Variants in ASXL3 observed in about 807,000 individuals in gnomAD.
ASXL3 encodes the protein putative Polycomb group protein ASXL3.
A neutral mutation model predicts 170.6 loss-of-function variants in ASXL3; 34 were observed. That is an observed-to-expected ratio of 0.20 (90% CI 0.15 to 0.27). The LOEUF is 0.27. Among genes scored for constraint, ASXL3 ranks in the 10% least tolerant of loss-of-function variants. The pLI is 1.00. For synonymous variants in ASXL3, 1,002 were observed against 989.1 expected (o/e 1.01, Z -0.24); for missense variants, 2,592 against 2,695.3 (o/e 0.96, Z 0.85).
chr18:33,746,735 A>G lies in ASXL3; in HGVS notation c.*140A>G. The G allele has an allele frequency of 7.5e-7, 1 of 1,327,600 alleles. No homozygotes were observed. The allele number at this position is 1,327,600 out of a possible 1,614,324, so 82.2% of individuals were successfully genotyped here. ...GCAGGTACCTTTCCTCTATGGCATT[A>G]TTTTCTTGCATTTCTCATAAAGGGG... On this transcript the variant is annotated 3_prime_UTR_variant, in exon 12 of 12. Transcript: ENST00000269197.
intron 2 of ASXL3, among the ~76,000 whole-genome samples, chr18:33,617,550 A>T (rs1380888539): frequency 6.6e-6 from 1 of 152,168 alleles, no homozygotes. Context: ...CTTGGATTTT[A>T]TTTGAAACCT....
At chr18:33,588,959 G>A (rs999843825) in intron 1 of ASXL3, among the ~76,000 whole-genome samples, 3 of 151,954 alleles carry the variant, frequency 2.0e-5, no homozygotes, top group Non-Finnish European at 4.4e-5. Context: ...GTAAATCACT[G>A]ACTTCTGCCA....
intron 8 of ASXL3, among the ~76,000 whole-genome samples, chr18:33,694,882 A>G (rs145827339): frequency 3.5e-4 from 53 of 152,298 alleles, no homozygotes; most frequent in Non-Finnish European, 6.9e-4. Context: ...TGGACTAGGA[A>G]AATGGATGTG....
chr18:33,715,939 C>A (rs905936180), intron 8 of ASXL3, among the ~76,000 whole-genome samples: 2 of 152,138 alleles, frequency 1.3e-5, no homozygotes, highest in African/African-American at 4.8e-5. Flanking sequence ...AAAAGACAAA[C>A]ACAGTAAGTC....
At chr18:33,672,866 A>G (rs765857933) in intron 7 of ASXL3, among the ~76,000 whole-genome samples, 74 of 152,176 alleles carry the variant, frequency 4.9e-4, no homozygotes, top group Non-Finnish European at 8.7e-4. Context: ...TAATAAAAAG[A>G]CTTTAAATAG....
rs541648135 is a variant in ASXL3, at chr18:33,695,004, C to T, written c.879+11436C>T. ...CACGCAGCCTTTATAAATGCAAATG[C>T]GAAAGGGCTTTCCGTCTTTTCCCTC... is the stretch of plus-strand genomic sequence containing the variant. On this transcript the variant is annotated intron_variant, in intron 8 of 11. Coordinates refer to ENST00000269197, the MANE Select transcript of ASXL3 (RefSeq NM_030632.3). 7.2e-5 allele frequency among the ~76,000 whole-genome samples: 11 copies of T among 152,186 alleles called. No individual in the cohort carries two copies. The East Asian group carries it at 1.6e-3, about 21-fold the overall frequency.
At position 33,746,821 on chromosome 18, in the gene ASXL3, T is replaced by A; in HGVS notation, c.*226T>A. On this transcript the variant is annotated 3_prime_UTR_variant, in exon 12 of 12. Transcript: ENST00000269197. ...CTTTTATGTGTTCAGTTGCCATTCC[T>A]AGCTTTGGAAAGTTTCTATCTGTCC... 1.5e-6 allele frequency: 1 copy of A among 647,812 alleles called. No individual in the cohort carries two copies. The highest frequency in any genetic ancestry group is 2.3e-6 in the Non-Finnish European group (1 of 427,722). 40.1% of individuals were successfully genotyped at this position (647,812 alleles called of 1,614,324 possible). A position where few individuals can be genotyped will look rare whatever the true frequency, so the allele number is the denominator to read the frequency against.
At chr18:33,712,990 C>T (rs17746706) in intron 8 of ASXL3, among the ~76,000 whole-genome samples, 12,473 of 152,022 alleles carry the variant, frequency 0.082, 513 homozygotes, top group South Asian at 0.11. Flanking sequence ...GGCTCATCCA[C>T]GTTCTAGCTA....
intron 1 of ASXL3, among the ~76,000 whole-genome samples, chr18:33,594,246 T>A (rs1207858748): frequency 6.6e-6 from 1 of 152,228 alleles, no homozygotes; most frequent in Non-Finnish European, 1.5e-5. Context: ...AGACTTGTTG[T>A]GAGTCCTAAT....
chr18:33,637,832 C>A (rs1004766234), intron 2 of ASXL3, among the ~76,000 whole-genome samples: 1 of 152,038 alleles, frequency 6.6e-6, no homozygotes, highest in Non-Finnish European at 1.5e-5. Context: ...CATTTAAATT[C>A]CAAATGGTTT....
chr18:33,602,122 A>T (rs2065189815), intron 1 of ASXL3, among the ~76,000 whole-genome samples: 1 of 151,760 alleles, frequency 6.6e-6, no homozygotes, highest in Non-Finnish European at 1.5e-5. Flanking sequence ...TAAGTGTGAA[A>T]TTGCTGAACT....
chr18:33,747,502 C>T lies in ASXL3; in HGVS notation c.*907C>T, dbSNP rs2067816284. ...TAAATGCATTGATAATGTAAATATC[C>T]TATTCACGCTAATGAATTACTAGAT... On this transcript the variant is annotated 3_prime_UTR_variant, in exon 12 of 12. Transcript: ENST00000269197. 1 of 151,734 alleles carries T rather than the reference C, an allele frequency of 6.6e-6. No homozygotes were observed. Among genetic ancestry groups the T allele is most frequent in the African/African-American group, 2.4e-5 (1 of 41,298 alleles). The allele number at this position is 151,734 out of a possible 1,614,324, so 9.4% of individuals were successfully genotyped here.
At chr18:33,680,626 T>C (rs1298242742) in intron 7 of ASXL3, among the ~76,000 whole-genome samples, 1 of 152,054 alleles carries the variant, frequency 6.6e-6, no homozygotes, top group Non-Finnish European at 1.5e-5. Flanking sequence ...TTTGAGGCTG[T>C]GCTATTTAAA....
intron 2 of ASXL3, among the ~76,000 whole-genome samples, chr18:33,610,316 T>C (rs922960723): frequency 6.6e-6 from 1 of 152,052 alleles, no homozygotes; most frequent in African/African-American, 2.4e-5. Context: ...ATTGGTAATA[T>C]GCCTGATTAA....
chr18:33,721,390 A>G (rs1459244869), intron 8 of ASXL3, among the ~76,000 whole-genome samples: 1 of 151,908 alleles, frequency 6.6e-6, no homozygotes, highest in Non-Finnish European at 1.5e-5. Context: ...ATGTACACAC[A>G]TATATATATG....
intron 2 of ASXL3, chr18:33,609,092 C>G: frequency 1.0e-6 from 1 of 981,196 alleles, no homozygotes; most frequent in Non-Finnish European, 1.2e-6. Context: ...CTAACAGTAC[C>G]TAACAATTCT....
At chr18:33,742,839 G>C in intron 11 of ASXL3, 49 bp from the exon 12 acceptor site, 1 of 1,523,660 alleles carries the variant, frequency 6.6e-7, no homozygotes, top group Non-Finnish European at 8.8e-7. Context: ...TGCCTCCTCT[G>C]TGATCATGTA....
At chr18:33,624,363 T>A (rs1356495330) in intron 2 of ASXL3, among the ~76,000 whole-genome samples, 4 of 152,112 alleles carry the variant, frequency 2.6e-5, no homozygotes, top group Non-Finnish European at 5.9e-5. Context: ...ATTTCCTAAT[T>A]TGCCATGTTT....
At position 33,744,017 on chromosome 18, in the gene ASXL3, C is replaced by T. The variant is rs371179474; in HGVS notation, c.4169C>T (p.Thr1390Ile). ...CAGGCCACTGTATCCATGGGTACCACTGTGAGAGCAGCCCTCAGCTGCAGT... is the reference window on the plus strand; with the variant it reads ...CAGGCCACTGTATCCATGGGTACCATTGTGAGAGCAGCCCTCAGCTGCAGT... Reference protein sequence around the residue: ...EEQATVSMGTTVRAALSCSDS... With the variant: ...EEQATVSMGTIVRAALSCSDS... The change falls in exon 12 of 12, where the codon ACT becomes ATT. Residue 1390 changes from threonine to isoleucine, a missense_variant. This residue lies in a region of ASXL3 where 2,246 missense variants were observed against 2,219.6 expected (regional missense o/e 1.01). Transcript: ENST00000269197. 1 of 1,613,918 alleles carries T rather than the reference C, an allele frequency of 6.2e-7. No homozygotes were observed. Among genetic ancestry groups the T allele is most frequent in the Non-Finnish European group, 8.5e-7 (1 of 1,179,910 alleles).
Sources: allele counts gnomAD v4.1 joint callset (sites outside exome capture counted in the v4.1 genomes callset), GRCh38; gene constraint gnomAD v4.1.1; regional missense constraint gnomAD v4.1.1; transcripts MANE v1.5; gene names NCBI Gene and HGNC (gene_info 2026-07-23, HGNC 2026-07-21).